Variants in SLC9A9 observed in about 807,000 individuals in gnomAD.
SLC9A9 encodes the protein sodium/hydrogen exchanger 9.
Under a neutral mutation model 77.8 loss-of-function variants are expected in SLC9A9, and 62 were observed. That is an observed-to-expected ratio of 0.80 (90% CI 0.65 to 0.98). The LOEUF is 0.98. Among genes scored for constraint, SLC9A9 ranks in the 50% least tolerant of loss-of-function variants. SLC9A9 has a pLI of 0.00. For synonymous variants in SLC9A9, 320 were observed against 283.5 expected, an observed-to-expected ratio of 1.13 and a Z score of -1.29; for missense variants, 775 against 774.9, an observed-to-expected ratio of 1.00 and a Z score of 0.00.
intron 14 of SLC9A9, among the ~76,000 whole-genome samples, chr3:143,358,994 G>C (rs1404377270): frequency 6.6e-6 from 1 of 152,230 alleles, no homozygotes; most frequent in Non-Finnish European, 1.5e-5. Flanking sequence ...TCTGCTGTGA[G>C]TGGCTGTTCC....
chr3:143,401,992 C>G (rs1402652478), intron 12 of SLC9A9, among the ~76,000 whole-genome samples: 1 of 152,160 alleles, frequency 6.6e-6, no homozygotes, highest in Admixed American at 6.6e-5. Flanking sequence ...AATCTAGATT[C>G]TACTGGCCTT....
At chr3:143,334,255 T>C (rs2031860337) in intron 14 of SLC9A9, among the ~76,000 whole-genome samples, 1 of 152,230 alleles carries the variant, frequency 6.6e-6, no homozygotes, top group Admixed American at 6.5e-5. Flanking sequence ...TGGATCCGCC[T>C]ATAGGTGCTC....
intron 5 of SLC9A9, among the ~76,000 whole-genome samples, chr3:143,655,161 T>A (rs922223006): frequency 1.3e-5 from 2 of 152,216 alleles, no homozygotes; most frequent in African/African-American, 4.8e-5. Flanking sequence ...CTGCTGAGCT[T>A]GGAGCTTTTA....
At chr3:143,622,009 G>A (rs2038223683) in intron 6 of SLC9A9, among the ~76,000 whole-genome samples, 1 of 152,178 alleles carries the variant, frequency 6.6e-6, no homozygotes, top group South Asian at 2.1e-4. Flanking sequence ...GGAAGAAAGG[G>A]GATCAGTGAT....
At chr3:143,642,423 G>A (rs566937808) in intron 6 of SLC9A9, among the ~76,000 whole-genome samples, 36 of 152,222 alleles carry the variant, frequency 2.4e-4, no homozygotes, top group Admixed American at 8.5e-4. Context: ...TCTAGGTGGA[G>A]GCTTAACACT....
intron 8 of SLC9A9, among the ~76,000 whole-genome samples, chr3:143,571,609 C>T (rs2037258853): frequency 7.4e-6 from 1 of 135,292 alleles, no homozygotes; most frequent in Non-Finnish European, 1.6e-5. Context: ...TAAAGTTTGC[C>T]CACTTTGATA....
chr3:143,563,898 C>T lies in SLC9A9; in HGVS notation c.1000+10190G>A, dbSNP rs1174633213. On this transcript the variant is annotated intron_variant, in intron 8 of 15. Transcript: ENST00000316549. ...TGAAGAATTGCATGGGGTTTAACAG[C>T]TTCACTTGACTTCCTGTCAACTAGA... Among the ~76,000 whole-genome samples, 3 of 152,244 alleles carry T rather than the reference C, an allele frequency of 2.0e-5. No homozygotes were observed. In the East Asian group the frequency reaches 5.8e-4, roughly 29 times the overall value.
chr3:143,621,123 T>G (rs1012890279), intron 6 of SLC9A9, among the ~76,000 whole-genome samples: 1 of 152,080 alleles, frequency 6.6e-6, no homozygotes, highest in African/African-American at 2.4e-5. Flanking sequence ...CCCAGAAACT[T>G]GAACTGGGTG....
At chr3:143,556,423 C>A (rs1160471454) in intron 8 of SLC9A9, among the ~76,000 whole-genome samples, 1 of 152,190 alleles carries the variant, frequency 6.6e-6, no homozygotes, top group East Asian at 1.9e-4. Context: ...TATGAAGTGC[C>A]AGAAGGTGAC....
chr3:143,672,468 A>G (rs2039172888), intron 5 of SLC9A9, among the ~76,000 whole-genome samples: 1 of 152,210 alleles, frequency 6.6e-6, no homozygotes, highest in Non-Finnish European at 1.5e-5. Context: ...TGAAAAATAA[A>G]AACTTTTCTG....
chr3:143,640,385 T>C (rs1429117859), intron 6 of SLC9A9, among the ~76,000 whole-genome samples: 1 of 152,158 alleles, frequency 6.6e-6, no homozygotes, highest in Non-Finnish European at 1.5e-5. Flanking sequence ...GTACTGTATT[T>C]AGTGCAAGTC....
intron 14 of SLC9A9, among the ~76,000 whole-genome samples, chr3:143,303,743 A>AG (rs2108430650): frequency 1.3e-5 from 2 of 152,348 alleles, no homozygotes; most frequent in East Asian, 3.9e-4. Context: ...GTGCTAAACC[A>AG]GGGTCTCCTT....
intron 6 of SLC9A9, among the ~76,000 whole-genome samples, chr3:143,631,399 T>TTTGA (rs2038420874): frequency 6.6e-6 from 1 of 152,180 alleles, no homozygotes; most frequent in Non-Finnish European, 1.5e-5. Context: ...TTTAATTCTT[T>TTTGA]TTGATAGTTT....
At chr3:143,735,909 T>G (rs1482117364) in intron 4 of SLC9A9, among the ~76,000 whole-genome samples, 1 of 152,226 alleles carries the variant, frequency 6.6e-6, no homozygotes, top group East Asian at 1.9e-4. Flanking sequence ...TAATTGTAAC[T>G]GGGCCATTTT....
intron 14 of SLC9A9, among the ~76,000 whole-genome samples, chr3:143,317,136 C>T (rs1294880348): frequency 1.3e-5 from 2 of 152,158 alleles, no homozygotes; most frequent in Non-Finnish European, 2.9e-5. Context: ...GATCTCCCCT[C>T]AAAGAACCAA....
chr3:143,813,199 A>C (rs1017949489), intron 2 of SLC9A9, among the ~76,000 whole-genome samples: 1 of 152,168 alleles, frequency 6.6e-6, no homozygotes. Flanking sequence ...AGAAAATGAT[A>C]ATATTGGGTC....
At chr3:143,374,835 A>T (rs1404675796) in intron 13 of SLC9A9, among the ~76,000 whole-genome samples, 1 of 152,172 alleles carries the variant, frequency 6.6e-6, no homozygotes, top group Non-Finnish European at 1.5e-5. Context: ...ATTATTGACT[A>T]TAGTCACTTT....
intron 6 of SLC9A9, among the ~76,000 whole-genome samples, chr3:143,606,532 AAGAT>A (rs1248699269): frequency 6.7e-6 from 1 of 149,084 alleles, no homozygotes; most frequent in Non-Finnish European, 1.5e-5. Flanking sequence ...GTAGTGTAAA[AAGAT>A]AGAAACAGAA....
intron 14 of SLC9A9, among the ~76,000 whole-genome samples, chr3:143,297,601 T>G (rs1034986130): frequency 6.6e-6 from 1 of 152,260 alleles, no homozygotes; most frequent in Non-Finnish European, 1.5e-5. Context: ...TTTGCTAGTA[T>G]GGACATATTA....
Sources: allele counts gnomAD v4.1 joint callset (sites outside exome capture counted in the v4.1 genomes callset), GRCh38; gene constraint gnomAD v4.1.1; transcripts MANE v1.5; gene names NCBI Gene and HGNC (gene_info 2026-07-23, HGNC 2026-07-21).